CCDC85A: variants seen among roughly 807,000 people sequenced by gnomAD.
CCDC85A encodes coiled-coil domain-containing protein 85A.
A neutral mutation model predicts 50.2 loss-of-function variants in CCDC85A; 38 were observed. The ratio of observed to expected loss-of-function variants is 0.76; its 90% CI spans 0.58 to 0.99. The LOEUF (loss-of-function observed/expected upper bound fraction) is 0.99. Ranked by LOEUF, CCDC85A falls within the 50% of genes least tolerant of loss-of-function variation. CCDC85A has a pLI of 0.00. For missense variants in CCDC85A, 820 were observed against 742.0 expected, an observed-to-expected ratio of 1.11 and a Z score of -1.22; for synonymous variants, 366 against 301.4, an observed-to-expected ratio of 1.21 and a Z score of -2.22.
At chr2:56,294,181 G>A (rs149209873) in intron 2 of CCDC85A, among the ~76,000 whole-genome samples, 27 of 152,212 alleles carry the variant, frequency 1.8e-4, no homozygotes, top group East Asian at 5.8e-4. Flanking sequence ...GCAAAGTAAC[G>A]CAGGAACAGA....
intron 3 of CCDC85A, among the ~76,000 whole-genome samples, chr2:56,359,701 C>T (rs1226802282): frequency 2.6e-5 from 4 of 152,130 alleles, no homozygotes; most frequent in African/African-American, 7.2e-5. Context: ...CAAGTGAGGG[C>T]ATTTCCTGAA....
chr2:56,228,966 G>A (rs934931923), intron 2 of CCDC85A, among the ~76,000 whole-genome samples: 1 of 152,062 alleles, frequency 6.6e-6, no homozygotes, highest in African/African-American at 2.4e-5. Context: ...TCTCATTAAG[G>A]TTTTCCAAAT....
At chr2:56,310,979 G>A (rs1318518385) in intron 2 of CCDC85A, among the ~76,000 whole-genome samples, 9 of 152,124 alleles carry the variant, frequency 5.9e-5, no homozygotes, top group Non-Finnish European at 1.3e-4. Context: ...TGACTTTTGG[G>A]GAGAAAATAT....
intron 2 of CCDC85A, among the ~76,000 whole-genome samples, chr2:56,325,958 G>T (rs574873765): frequency 2.8e-4 from 42 of 152,188 alleles, no homozygotes; most frequent in African/African-American, 9.9e-4. Flanking sequence ...GCAAAATACG[G>T]TTTTCATTCC....
At chr2:56,267,675 A>G (rs1416160573) in intron 2 of CCDC85A, among the ~76,000 whole-genome samples, 4 of 152,182 alleles carry the variant, frequency 2.6e-5, no homozygotes, top group South Asian at 2.1e-4. Flanking sequence ...ATATTTTAAA[A>G]AGTTAACCTC....
At chr2:56,329,943 CTGT>C (rs1172410253) in intron 2 of CCDC85A, among the ~76,000 whole-genome samples, 5 of 22,870 alleles carry the variant, frequency 2.2e-4, no homozygotes, top group African/African-American at 2.8e-4. Context: ...TACAGATTTC[CTGT>C]TTTTTTTTTT....
intron 2 of CCDC85A, among the ~76,000 whole-genome samples, chr2:56,292,808 A>G (rs1451436648): frequency 2.0e-5 from 3 of 152,178 alleles, no homozygotes; most frequent in Non-Finnish European, 2.9e-5. Context: ...CTATTCCATT[A>G]TGGCCCATCA....
chr2:56,295,625 T>C (rs982656025), intron 2 of CCDC85A, among the ~76,000 whole-genome samples: 36 of 152,126 alleles, frequency 2.4e-4, no homozygotes, highest in African/African-American at 8.4e-4. Flanking sequence ...AAATGGCCCC[T>C]CTGTCTAGGA....
chr2:56,261,891 A>G (rs555095952), intron 2 of CCDC85A, among the ~76,000 whole-genome samples: 37 of 152,264 alleles, frequency 2.4e-4, no homozygotes, highest in East Asian at 3.9e-4. Context: ...AACTGCCCAG[A>G]GGCCCAGCCT....
At chr2:56,366,925 T>G (rs1675826052) in intron 3 of CCDC85A, among the ~76,000 whole-genome samples, 1 of 152,220 alleles carries the variant, frequency 6.6e-6, no homozygotes, top group Non-Finnish European at 1.5e-5. Context: ...CTATTTAATC[T>G]TTTGCCATTA....
chr2:56,286,153 T>C (rs1162208131), intron 2 of CCDC85A, among the ~76,000 whole-genome samples: 1 of 152,192 alleles, frequency 6.6e-6, no homozygotes, highest in Non-Finnish European at 1.5e-5. Flanking sequence ...GATTTTTTTC[T>C]GTATCTTTGA....
intron 3 of CCDC85A, among the ~76,000 whole-genome samples, chr2:56,349,893 G>C (rs766336794): frequency 6.6e-6 from 1 of 151,336 alleles, no homozygotes; most frequent in African/African-American, 2.4e-5. Context: ...ACCTGTCCTT[G>C]GCAGAATTTT....
intron 2 of CCDC85A, among the ~76,000 whole-genome samples, chr2:56,242,526 ATTTCACTT>A (rs1669307402): frequency 6.6e-6 from 1 of 152,114 alleles, no homozygotes; most frequent in African/African-American, 2.4e-5. Flanking sequence ...TCAGAATGAG[ATTTCACTT>A]TTCACTAAGG....
chr2:56,302,749 AT>A (rs1456996510), intron 2 of CCDC85A, among the ~76,000 whole-genome samples: 1 of 152,182 alleles, frequency 6.6e-6, no homozygotes, highest in Non-Finnish European at 1.5e-5. Context: ...CACTGTGTGT[AT>A]GTGTTCCATT....
At chr2:56,328,943 A>G (rs1034812514) in intron 2 of CCDC85A, among the ~76,000 whole-genome samples, 2 of 152,128 alleles carry the variant, frequency 1.3e-5, no homozygotes, top group Non-Finnish European at 2.9e-5. Flanking sequence ...TCATTTTAAA[A>G]TACAAATCAG....
At chr2:56,219,658 C>A (rs1337042979) in intron 2 of CCDC85A, among the ~76,000 whole-genome samples, 2 of 151,850 alleles carry the variant, frequency 1.3e-5, no homozygotes, top group Non-Finnish European at 1.5e-5. Context: ...TTTTAGAGAT[C>A]TATGTGTATA....
intron 2 of CCDC85A, among the ~76,000 whole-genome samples, chr2:56,226,253 T>A (rs1322545560): frequency 6.6e-6 from 1 of 152,186 alleles, no homozygotes; most frequent in Non-Finnish European, 1.5e-5. Context: ...AAAATAAATA[T>A]AATAAACCTT....
At chr2:56,350,378 C>T (rs1674856766) in intron 3 of CCDC85A, among the ~76,000 whole-genome samples, 2 of 152,098 alleles carry the variant, frequency 1.3e-5, no homozygotes, top group South Asian at 4.1e-4. Flanking sequence ...CAAGACCAGC[C>T]TGGCCAACAT....
intron 2 of CCDC85A, among the ~76,000 whole-genome samples, chr2:56,204,324 T>A (rs1676872688): frequency 6.6e-6 from 1 of 152,192 alleles, no homozygotes; most frequent in African/African-American, 2.4e-5. Flanking sequence ...AATAACGACA[T>A]ATAATGAAGT....
Sources: gnomAD v4.1 joint callset for allele counts (sites outside exome capture counted in the v4.1 genomes callset) on GRCh38, gnomAD v4.1.1 for gene constraint, MANE v1.5 for transcripts, NCBI Gene and HGNC (gene_info 2026-07-23, HGNC 2026-07-21) for gene names.